GGTLC2: variants seen among roughly 807,000 people sequenced by gnomAD.
The protein encoded by GGTLC2 is gamma-glutamyltransferase light chain 2.
GGTLC2 carries 13 observed loss-of-function variants against 20.2 expected under a neutral mutation model. That is an observed-to-expected ratio of 0.64 (90% CI 0.42 to 1.02). The LOEUF (loss-of-function observed/expected upper bound fraction) is 1.02, where lower values mean the gene tolerates loss of function less well. Among genes scored for constraint, GGTLC2 ranks in the 50% least tolerant of loss-of-function variants. The pLI is 0.00. For synonymous variants in GGTLC2, 89 were observed against 125.5 expected (o/e 0.71, Z 1.94); for missense variants, 202 against 301.3 (o/e 0.67, Z 2.44).
chr22:22,647,422 G>A, intron 5 of GGTLC2, 132 bp downstream of exon 5: 1 of 1,420,936 alleles, frequency 7.0e-7, no homozygotes, highest in Non-Finnish European at 9.7e-7. Flanking sequence ...TGGAGCCCCT[G>A]TGCCATGAGG....
chr22:22,645,101 C>T (rs1369396533), intron 1 of GGTLC2, among the ~76,000 whole-genome samples: 1 of 120,280 alleles, frequency 8.3e-6, no homozygotes, highest in Non-Finnish European at 1.7e-5. Flanking sequence ...ACCGTGTTAG[C>T]CAGGATGATC....
intron 1 of GGTLC2, among the ~76,000 whole-genome samples, chr22:22,645,552 C>G (rs2064039370): frequency 6.6e-6 from 1 of 151,006 alleles, no homozygotes; most frequent in Non-Finnish European, 1.5e-5. Context: ...CCCACCCAGG[C>G]CATCATCTCT....
chr22:22,645,836 C>A (rs981691136), intron 1 of GGTLC2, among the ~76,000 whole-genome samples: 2 of 151,060 alleles, frequency 1.3e-5, no homozygotes, highest in Non-Finnish European at 2.9e-5. Context: ...TTTGCACTGA[C>A]CATTTAGGCC....
In GGTLC2 at chr22:22,646,937, G is replaced by C. The variant is rs777264425; in HGVS notation, c.305-46G>C. On this transcript the variant is annotated intron_variant, in intron 3 of 5. Transcript: ENST00000448514. Reference sequence around the variant, plus strand: ...TGGGGTGGAGAGGGGCGGGTGTCCTGGGCAGGCAGCTGACGGGCATCCCTG... The same window carrying C: ...TGGGGTGGAGAGGGGCGGGTGTCCTCGGCAGGCAGCTGACGGGCATCCCTG... 20 of 1,611,878 alleles carry C rather than the reference G, an allele frequency of 1.2e-5. No individual in the cohort carries two copies. In the African/African-American group the frequency reaches 2.0e-4, roughly 16 times the overall value.
Position 22,645,847 on chromosome 22 carries a change from A to G in GGTLC2, c.-34-465A>G, listed in dbSNP as rs879556566. ...GGCCTTTGCACTGACCATTTAGGCC[A>G]CATTCCAGGCTCTTTTCACACGTTG... On this transcript the variant is annotated intron_variant, in intron 1 of 5. Coordinates refer to ENST00000448514, the MANE Select transcript of GGTLC2 (RefSeq NM_199127.3). Among the ~76,000 whole-genome samples, 960 of 150,450 alleles carry G rather than the reference A, an allele frequency of 6.4e-3. 2 individuals are homozygous for G. Among genetic ancestry groups the G allele is most frequent in the Middle Eastern group, 0.017 (5 of 286 alleles).
chr22:22,645,109 A>G (rs149964128), intron 1 of GGTLC2, among the ~76,000 whole-genome samples: 2,133 of 97,962 alleles, frequency 0.022, 17 homozygotes, highest in Middle Eastern at 0.037. Flanking sequence ...AGCCAGGATG[A>G]TCTCCATCTC....
At position 22,646,900 on chromosome 22, in the gene GGTLC2, G is replaced by C. The variant is rs771594047; in HGVS notation, c.304+19G>C. On this transcript the variant is annotated intron_variant, in intron 3 of 5. Coordinates refer to ENST00000448514, the MANE Select transcript of GGTLC2 (RefSeq NM_199127.3). ...CAGCCAGGTATGGGGTGGAGGTCTG[G>C]GGATGGGGGACTGGGGTGGAGAGGG... 2.5e-6 allele frequency: 4 copies of C among 1,612,846 alleles called. 1 individual carries two copies. In the East Asian group the frequency reaches 6.7e-5, roughly 27 times the overall value.
intron 1 of GGTLC2, among the ~76,000 whole-genome samples, chr22:22,645,558 T>A (rs1167267968): frequency 1.3e-5 from 2 of 150,864 alleles, no homozygotes; most frequent in African/African-American, 4.8e-5. Context: ...CAGGCCATCA[T>A]CTCTTGCCTG....
chr22:22,646,672 G>A (rs1490402131), intron 2 of GGTLC2, 82 bp from the exon 3 acceptor site: 3 of 1,564,458 alleles, frequency 1.9e-6, no homozygotes, highest in Admixed American at 3.5e-5. Context: ...CTCTCAGTGA[G>A]TATGTTTGAG....
At position 22,647,232 on chromosome 22, in the gene GGTLC2, C is replaced by T. The variant is rs758121424; in HGVS notation, c.452C>T (p.Pro151Leu). 1.2e-6 allele frequency: 2 copies of T among 1,611,262 alleles called. No individual in the cohort carries two copies. Among genetic ancestry groups the T allele is most frequent in the East Asian group, 2.2e-5 (1 of 44,756 alleles). Reference sequence around the variant, plus strand: ...GACGTGAAGCGGGCCGTGGAGGAGCCCCGGCTGCACAACCAGCTTCTGCCC... The same window carrying T: ...GACGTGAAGCGGGCCGTGGAGGAGCTCCGGCTGCACAACCAGCTTCTGCCC... ...GYDVKRAVEE[P>L]RLHNQLLPNV... The change falls in exon 5 of 6, where the codon CCC (proline) becomes CTC (leucine). Residue 151 changes from proline to leucine, a missense_variant. Pro to Leu is a moderately conservative substitution (Grantham distance 98, BLOSUM62 -3). This residue lies in a region of GGTLC2 where 65 missense variants were observed against 87.5 expected (regional missense o/e 0.74). Coordinates refer to ENST00000448514, the MANE Select transcript of GGTLC2 (RefSeq NM_199127.3).
intron 2 of GGTLC2, 66 bp from the exon 3 acceptor site, chr22:22,646,688 G>C: frequency 6.3e-7 from 1 of 1,582,910 alleles, no homozygotes; most frequent in African/African-American, 1.3e-5. Flanking sequence ...TTGAGCCTCA[G>C]TGGGTGGATA....
In GGTLC2 at chr22:22,647,701, C is replaced by T; in HGVS notation, c.617C>T (p.Ala206Val). Residue 206 changes from alanine (A) to valine (V), a missense_variant, in exon 6 of 6, where the codon GCC (alanine) becomes GTC (valine). By Grantham distance (64) the Ala-to-Val change is moderately conservative (BLOSUM62 0). Around this residue, in one of 4 missense-constraint regions of GGTLC2, gnomAD observed 22 missense variants for 69.6 expected, o/e 0.32. Transcript: ENST00000448514. ...CGCACGGCTGGTGGCTGGGCAGCTG[C>T]CTCGGACTCCAGGAAAGGCGGGGAG... Reference protein sequence around the residue: ...IVRTAGGWAAASDSRKGGEPA... With the variant: ...IVRTAGGWAAVSDSRKGGEPA... The T allele has an allele frequency of 6.2e-7, 1 of 1,601,644 alleles. No homozygotes were observed. Among genetic ancestry groups the T allele is most frequent in the Non-Finnish European group, 8.5e-7 (1 of 1,174,682 alleles).
Position 22,646,354 on chromosome 22 carries a change from T to C in GGTLC2, c.9T>C (p.Ser3=), listed in dbSNP as rs144960876. MT[S]EFFAAQLRAQ... Reference sequence around the variant, plus strand: ...GGCAGGTGGTCCACAACATGACCTCTGAGTTCTTCGCTGCCCAGCTCCGGG... The same window carrying C: ...GGCAGGTGGTCCACAACATGACCTCCGAGTTCTTCGCTGCCCAGCTCCGGG... Residue 3 remains serine (S), a synonymous_variant, in exon 2 of 6, where the codon TCT becomes TCC. Coordinates refer to ENST00000448514, the MANE Select transcript of GGTLC2 (RefSeq NM_199127.3). 21,576 of 1,317,368 alleles carry C rather than the reference T, an allele frequency of 0.016. 350 individuals carry two copies. The highest frequency in any genetic ancestry group is 0.049 in the African/African-American group (3,122 of 63,476). 81.6% of individuals were successfully genotyped at this position (1,317,368 alleles called of 1,614,324 possible). A position where few individuals can be genotyped will look rare whatever the true frequency, so the allele number is the denominator to read the frequency against.
rs4050603 is a variant in GGTLC2 at position 22,647,330 on chromosome 22, C to T, written c.510+40C>T. On this transcript the variant is annotated intron_variant, in intron 5 of 5. Transcript: ENST00000448514. ...GGAGAAACTGAGTCACGGTGTGGGG[C>T]CCCAGGGCATCCTGGGCTGGAGGCC... The T allele has an allele frequency of 4.3e-5, 69 of 1,605,736 alleles. 1 individual carries two copies. Among genetic ancestry groups the T allele is most frequent in the South Asian group, 1.2e-4 (11 of 90,736 alleles).
chr22:22,647,879 G>C lies in GGTLC2; in HGVS notation c.*138G>C. On this transcript the variant is annotated 3_prime_UTR_variant, in exon 6 of 6. Coordinates refer to ENST00000448514, the MANE Select transcript of GGTLC2 (RefSeq NM_199127.3). ...AATGAGGCCACTGTGCCAGGCTCCAGGTGGCCTCCCTGCCCTGTCTCCCCA... is the reference window on the plus strand; with the variant it reads ...AATGAGGCCACTGTGCCAGGCTCCACGTGGCCTCCCTGCCCTGTCTCCCCA... 1 of 1,419,508 alleles carries C rather than the reference G, an allele frequency of 7.0e-7. No homozygotes were observed. Among genetic ancestry groups the C allele is most frequent in the South Asian group, 1.3e-5 (1 of 75,730 alleles). 87.9% of individuals were successfully genotyped at this position (1,419,508 alleles called of 1,614,324 possible).
rs538061997 is a variant in GGTLC2, at chr22:22,646,253, C to T, written c.-34-59C>T. On this transcript the variant is annotated intron_variant, in intron 1 of 5. Coordinates refer to ENST00000448514, the MANE Select transcript of GGTLC2 (RefSeq NM_199127.3). ...TGCCAGAGGGTTGTGGTCAGAGCCACAGTCAGGGGCCTTCTGAGACCTGTG... is the reference window on the plus strand; with the variant it reads ...TGCCAGAGGGTTGTGGTCAGAGCCATAGTCAGGGGCCTTCTGAGACCTGTG... 30 of 1,438,164 alleles carry T rather than the reference C, an allele frequency of 2.1e-5. No individual in the cohort carries two copies. In the African/African-American group the frequency reaches 4.1e-4, roughly 20 times the overall value. The allele number at this position is 1,438,164 out of a possible 1,614,324, so 89.1% of individuals were successfully genotyped here.
intron 1 of GGTLC2, 110 bp from the exon 2 acceptor site, chr22:22,646,202 C>T (rs2064074808): frequency 1.4e-6 from 2 of 1,385,522 alleles, no homozygotes; most frequent in South Asian, 2.8e-5. Context: ...GCCCTTGGGT[C>T]CTGGGGAGCC....
At chr22:22,646,279 T>TCCCCAGCCCCC in intron 1 of GGTLC2, 33 bp from the exon 2 acceptor site, 1 of 827,336 alleles carries the variant, frequency 1.2e-6, no homozygotes, top group Non-Finnish European at 1.8e-6. Flanking sequence ...GAGACCTGTG[T>TCCCCAGCCCCC]CCCCTCCCCA....
rs71316771 is a variant in GGTLC2 at position 22,646,443 on chromosome 22, T to A, written c.98T>A (p.Val33Asp). The stretch of plus-strand genomic sequence containing the variant: ...TACAAGCCCGAGTTCTACACGCCGG[T>A]TGATGGGGGCACTGCTCACCTGTCT... ...SYYKPEFYTP[V>D]DGGTAHLSVV... The change falls in exon 2 of 6, where the codon GTT becomes GAT. Residue 33 changes from valine to aspartate, a missense_variant. By Grantham distance (152) the Val-to-Asp change is radical. This residue lies in a region of GGTLC2 where 44 missense variants were observed against 81.2 expected (regional missense o/e 0.54). Transcript: ENST00000448514. 0.079 allele frequency: 113,129 copies of A among 1,434,964 alleles called. 13,787 individuals are homozygous for A. The highest frequency in any genetic ancestry group is 0.16 in the South Asian group (12,345 of 78,454). 88.9% of individuals were successfully genotyped at this position (1,434,964 alleles called of 1,614,324 possible). A position where few individuals can be genotyped will look rare whatever the true frequency, so the allele number is the denominator to read the frequency against.
Sources: allele counts gnomAD v4.1 joint callset (sites outside exome capture counted in the v4.1 genomes callset), GRCh38; gene constraint gnomAD v4.1.1; regional missense constraint gnomAD v4.1.1; transcripts MANE v1.5; gene names NCBI Gene and HGNC (gene_info 2026-07-23, HGNC 2026-07-21).